The following PTPRZ1 variants were observed in gnomAD, a reference collection of about 807,000 sequenced individuals.
PTPRZ1 encodes protein tyrosine phosphatase receptor type Z1.
A neutral mutation model predicts 214.1 loss-of-function variants in PTPRZ1; 82 were observed. The observed-to-expected ratio is 0.38, with a 90% confidence interval of 0.32 to 0.46. PTPRZ1 has a LOEUF of 0.46. Ranked by LOEUF, PTPRZ1 falls within the 20% of genes least tolerant of loss-of-function variation. The pLI, the probability that PTPRZ1 is intolerant of heterozygous loss-of-function variation, is 1.00. For missense variants in PTPRZ1, 2,603 were observed against 2,748.7 expected, an observed-to-expected ratio of 0.95 and a Z score of 1.19; for synonymous variants, 945 against 987.9, an observed-to-expected ratio of 0.96 and a Z score of 0.81.
At chr7:121,950,015 G>T (rs568595651) in intron 2 of PTPRZ1, among the ~76,000 whole-genome samples, 80 of 152,244 alleles carry the variant, frequency 5.3e-4, no homozygotes, top group African/African-American at 1.5e-3. Flanking sequence ...AGACATACCC[G>T]CGACTAAGCA....
chr7:121,978,464 C>T (rs1028984436), intron 6 of PTPRZ1, among the ~76,000 whole-genome samples: 1 of 152,120 alleles, frequency 6.6e-6, no homozygotes, highest in Non-Finnish European at 1.5e-5. Flanking sequence ...GTAAGCAAGG[C>T]ATGTATTACA....
At chr7:122,039,004 CT>C in intron 19 of PTPRZ1, 115 bp downstream of exon 19, 4 of 1,130,268 alleles carry the variant, frequency 3.5e-6, no homozygotes, top group Non-Finnish European at 5.1e-6. Context: ...ATTTGGGATT[CT>C]TTTTTAGTAA....
chr7:121,933,027 T>C (rs925637109), intron 2 of PTPRZ1, among the ~76,000 whole-genome samples: 3 of 152,098 alleles, frequency 2.0e-5, no homozygotes, highest in Non-Finnish European at 4.4e-5. Context: ...TCTGGGAATG[T>C]CAGCACTAAG....
chr7:121,933,878 C>T (rs1042491668), intron 2 of PTPRZ1, among the ~76,000 whole-genome samples: 1 of 152,128 alleles, frequency 6.6e-6, no homozygotes, highest in African/African-American at 2.4e-5. Context: ...ATCCTTTTAA[C>T]ATATTATATT....
intron 3 of PTPRZ1, among the ~76,000 whole-genome samples, chr7:121,972,038 G>A (rs990087122): frequency 1.3e-5 from 2 of 152,122 alleles, no homozygotes; most frequent in Non-Finnish European, 2.9e-5. Flanking sequence ...CCACAGCCAG[G>A]GACCCAGGTT....
At chr7:121,910,166 C>T (rs1584628420) in intron 1 of PTPRZ1, among the ~76,000 whole-genome samples, 1 of 152,062 alleles carries the variant, frequency 6.6e-6, no homozygotes, top group African/African-American at 2.4e-5. Context: ...AGGAACTCTG[C>T]GCCTGTGCCA....
At chr7:121,919,513 T>G (rs1795527966) in intron 1 of PTPRZ1, among the ~76,000 whole-genome samples, 1 of 152,084 alleles carries the variant, frequency 6.6e-6, no homozygotes, top group African/African-American at 2.4e-5. Context: ...CTATAAATGT[T>G]TCTTCATAAT....
chr7:121,986,402 A>G (rs930728295), intron 8 of PTPRZ1, among the ~76,000 whole-genome samples: 8 of 152,226 alleles, frequency 5.3e-5, no homozygotes, highest in African/African-American at 1.7e-4. Flanking sequence ...ATTTCTGCTT[A>G]CATAAAAAAC....
intron 15 of PTPRZ1, chr7:122,032,067 CAGTA>C (rs879626405): frequency 1.1e-4 from 17 of 152,196 alleles, no homozygotes; most frequent in African/African-American, 3.6e-4. Context: ...ACTTCAAAAT[CAGTA>C]AGTTTTTTCC....
intron 13 of PTPRZ1, among the ~76,000 whole-genome samples, chr7:122,021,983 T>C (rs542079486): frequency 9.2e-4 from 140 of 152,330 alleles, no homozygotes; most frequent in African/African-American, 2.7e-3. Context: ...ATGTGAATTA[T>C]TCAAATTCCA....
chr7:122,019,945 T>G (rs942632899), intron 13 of PTPRZ1, among the ~76,000 whole-genome samples: 5 of 152,148 alleles, frequency 3.3e-5, no homozygotes, highest in Non-Finnish European at 7.4e-5. Context: ...GGAACATAGG[T>G]CAGTATAACT....
At position 121,892,679 on chromosome 7, in the gene PTPRZ1, CAT is replaced by C. The variant is rs58030102; in HGVS notation, c.58+19165_58+19166del. Among the ~76,000 whole-genome samples the C allele has an allele frequency of 5.9e-3, 574 of 97,950 alleles. 2 individuals are homozygous for C. Among genetic ancestry groups the C allele is most frequent in the African/African-American group, 0.011 (314 of 29,248 alleles). 64.3% of individuals were successfully genotyped at this position (97,950 alleles called of 152,430 possible). A position where few individuals can be genotyped will look rare whatever the true frequency, so the allele number is the denominator to read the frequency against. On this transcript the variant is annotated intron_variant, in intron 1 of 29. Transcript: ENST00000393386. ...ATATCTTAGAGTTCTTCAAGCATCT[CAT>C]ATATATATATATATATATATATATA...
chr7:122,005,057 A>G (rs1382402013), intron 11 of PTPRZ1, among the ~76,000 whole-genome samples: 1 of 152,020 alleles, frequency 6.6e-6, no homozygotes, highest in Non-Finnish European at 1.5e-5. Context: ...CCAACGATTG[A>G]TAGATTAACG....
At chr7:121,971,547 A>G (rs1036848675) in intron 3 of PTPRZ1, among the ~76,000 whole-genome samples, 5 of 151,540 alleles carry the variant, frequency 3.3e-5, no homozygotes, top group Non-Finnish European at 7.4e-5. Flanking sequence ...ACAGTGGGGA[A>G]CCTTTGAGCA....
At chr7:122,027,295 G>A (rs1799231822) in intron 13 of PTPRZ1, among the ~76,000 whole-genome samples, 1 of 152,176 alleles carries the variant, frequency 6.6e-6, no homozygotes, top group Non-Finnish European at 1.5e-5. Flanking sequence ...TGGTGGGTGA[G>A]GGAGAGAGTT....
At chr7:121,939,730 A>C (rs766737042) in intron 2 of PTPRZ1, among the ~76,000 whole-genome samples, 1 of 152,238 alleles carries the variant, frequency 6.6e-6, no homozygotes, top group Non-Finnish European at 1.5e-5. Flanking sequence ...GTACAGCGTA[A>C]GCCAGACACT....
intron 1 of PTPRZ1, among the ~76,000 whole-genome samples, chr7:121,905,059 A>G (rs935288913): frequency 6.6e-6 from 1 of 152,224 alleles, no homozygotes; most frequent in African/African-American, 2.4e-5. Context: ...CTTTTAAAAC[A>G]CTTGTGCTCT....
intron 8 of PTPRZ1, among the ~76,000 whole-genome samples, chr7:121,993,134 T>C (rs1242458601): frequency 6.6e-6 from 1 of 152,202 alleles, no homozygotes; most frequent in Admixed American, 6.5e-5. Context: ...GAAAATTATA[T>C]TTTTGTTACT....
At chr7:121,978,927 T>G (rs1353669355) in intron 6 of PTPRZ1, among the ~76,000 whole-genome samples, 1 of 152,098 alleles carries the variant, frequency 6.6e-6, no homozygotes, top group Admixed American at 6.5e-5. Flanking sequence ...CCCAATAAAC[T>G]GAAGGCTCCC....
Sources: gnomAD v4.1 joint callset for allele counts (sites outside exome capture counted in the v4.1 genomes callset) on GRCh38, gnomAD v4.1.1 for gene constraint, MANE v1.5 for transcripts, NCBI Gene and HGNC (gene_info 2026-07-23, HGNC 2026-07-21) for gene names.